The following BTK variants were observed in gnomAD, a reference collection of about 807,000 sequenced individuals.
BTK encodes Bruton tyrosine kinase.
In BTK, 5 loss-of-function variants were observed where a neutral mutation model predicts 57.4. That is an observed-to-expected ratio of 0.09 (90% CI 0.05 to 0.18). The LOEUF is 0.18. Ranked by LOEUF, BTK falls within the 10% of genes least tolerant of loss-of-function variation. The pLI is 1.00. For missense variants in BTK, 194 were observed against 501.2 expected (o/e 0.39, Z 5.85); for synonymous variants, 154 against 174.3 (o/e 0.88, Z 0.92).
intron 5 of BTK, among the ~76,000 whole-genome samples, chrX:101,368,587 G>A (rs782137598): frequency 3.6e-4 from 40 of 112,251 alleles, no homozygotes; most frequent in Non-Finnish European, 7.1e-4. Flanking sequence ...TAAGGCTACT[G>A]CAAAGATCAA....
intron 4 of BTK, among the ~76,000 whole-genome samples, chrX:101,371,394 T>C (rs1026245870): frequency 8.9e-6 from 1 of 112,331 alleles, no homozygotes; most frequent in Non-Finnish European, 1.9e-5. Context: ...TATGATAGAA[T>C]TGGTGCTGCT....
At chrX:101,358,136 G>A in intron 12 of BTK, 174 bp downstream of exon 12, 2 of 666,222 alleles carry the variant, frequency 3.0e-6, no homozygotes, top group Non-Finnish European at 4.9e-6. Context: ...GTCCCTGTTG[G>A]GTGTAGGTCT....
rs782350266 is a variant in BTK, at chrX:101,355,655, A to G, written c.1566+397T>C. 9.3e-4 allele frequency: 154 copies of G among 166,345 alleles called. 2 individuals carry two copies. The highest frequency in any genetic ancestry group is 4.2e-3 in the African/African-American group (142 of 33,502). 13.7% of individuals were successfully genotyped at this position (166,345 alleles called of 1,213,427 possible). On this transcript the variant is annotated intron_variant, in intron 15 of 18. Coordinates refer to ENST00000308731, the MANE Select transcript of BTK (RefSeq NM_000061.3). ...TTATTATATAACATAAAAAAAACCC[A>G]CACATGTGGGCCAAATGCATCCACA...
At chrX:101,372,899 T>C (rs1478801625) in intron 3 of BTK, among the ~76,000 whole-genome samples, 2 of 106,255 alleles carry the variant, frequency 1.9e-5, no homozygotes, top group Non-Finnish European at 3.9e-5. Context: ...GCCTGACCAA[T>C]CTGGTGAAAC....
chrX:101,373,682 T>C (rs1034361766), intron 3 of BTK, among the ~76,000 whole-genome samples: 4 of 112,293 alleles, frequency 3.6e-5, no homozygotes, highest in Non-Finnish European at 7.5e-5. Flanking sequence ...TTTAATCTTT[T>C]TGTATTTTTT....
At chrX:101,376,805 G>T (rs973178755) in intron 1 of BTK, among the ~76,000 whole-genome samples, 6 of 110,951 alleles carry the variant, frequency 5.4e-5, no homozygotes, top group Non-Finnish European at 9.4e-5. Flanking sequence ...CGTGGAAGCA[G>T]AATGAATAAA....
intron 10 of BTK, 113 bp from the exon 11 acceptor site, chrX:101,358,809 T>G: frequency 1.6e-6 from 1 of 635,112 alleles, no homozygotes; most frequent in East Asian, 3.3e-5. Context: ...ACTGCCAAGT[T>G]CCACGCTTGA....
intron 10 of BTK, among the ~76,000 whole-genome samples, 170 bp downstream of exon 10, chrX:101,359,123 C>T: frequency 9.0e-6 from 1 of 111,599 alleles, no homozygotes; most frequent in Middle Eastern, 4.6e-3. Context: ...GGGTGACAGA[C>T]CGAGAGTCCG....
chrX:101,386,625 T>A (rs1927618564), upstream of BTK, among the ~76,000 whole-genome samples: 1 of 109,375 alleles, frequency 9.1e-6, no homozygotes, highest in Non-Finnish European at 1.9e-5. Context: ...GGCAGAGGAG[T>A]CTCAGGGACA....
intron 5 of BTK, among the ~76,000 whole-genome samples, chrX:101,364,824 C>T (rs1238836206): frequency 9.0e-6 from 1 of 110,607 alleles, no homozygotes; most frequent in South Asian, 3.9e-4. Context: ...TCACTGTAAC[C>T]TCCACCTCCT....
chrX:101,361,685 C>T (rs948535985), intron 7 of BTK, among the ~76,000 whole-genome samples: 10 of 111,075 alleles, frequency 9.0e-5, no homozygotes, highest in East Asian at 5.7e-4. Context: ...GAGGCCGAGG[C>T]GGGTTCGAGA....
chrX:101,354,830 A>C (rs1926413725), intron 15 of BTK, 136 bp from the exon 16 acceptor site: 6 of 616,053 alleles, frequency 9.7e-6, no homozygotes, highest in East Asian at 3.3e-5. Flanking sequence ...ACCTAATAGG[A>C]ATCTGTTGAT....
At chrX:101,375,838 G>A (rs1306941466) in intron 1 of BTK, among the ~76,000 whole-genome samples, 1 of 111,788 alleles carries the variant, frequency 8.9e-6, no homozygotes, top group African/African-American at 3.3e-5. Context: ...AACTAATAAG[G>A]ATATGGAGGC....
intron 8 of BTK, 61 bp from the exon 9 acceptor site, chrX:101,360,211 C>A: frequency 1.2e-6 from 1 of 828,364 alleles, no homozygotes; most frequent in Non-Finnish European, 1.8e-6. Flanking sequence ...GAGACAGATT[C>A]ATATGCCCAC....
chrX:101,361,881 C>T (rs782196338), intron 7 of BTK, among the ~76,000 whole-genome samples: 1 of 112,154 alleles, frequency 8.9e-6, no homozygotes, highest in South Asian at 3.6e-4. Context: ...GGCGACAGAG[C>T]GAGACTCCGT....
At chrX:101,353,403 G>A in intron 17 of BTK, 52 bp from the exon 18 acceptor site, 1 of 1,108,518 alleles carries the variant, frequency 9.0e-7, no homozygotes, top group East Asian at 3.0e-5. Flanking sequence ...TTGGATAGCA[G>A]GGGTCCTAGT....
At chrX:101,358,515 G>T in intron 11 of BTK, 78 bp from the exon 12 acceptor site, 1 of 1,188,908 alleles carries the variant, frequency 8.4e-7, no homozygotes, top group Middle Eastern at 2.3e-4. Context: ...GATGAGTTTT[G>T]AGTTTCAGAG....
upstream of BTK, among the ~76,000 whole-genome samples, chrX:101,389,135 T>G (rs1246897884): frequency 8.9e-6 from 1 of 111,855 alleles, no homozygotes; most frequent in Non-Finnish European, 1.9e-5. Context: ...ACCCCCATGG[T>G]AACTATGGAT....
intron 12 of BTK, 133 bp downstream of exon 12, chrX:101,358,177 C>A (rs782578093): frequency 8.0e-6 from 8 of 994,137 alleles, no homozygotes; most frequent in Non-Finnish European, 1.1e-5. Flanking sequence ...CAGCTTCTAC[C>A]CAGTATCACA....
Sources: gnomAD v4.1 joint callset for allele counts (sites outside exome capture counted in the v4.1 genomes callset) on GRCh38, gnomAD v4.1.1 for gene constraint, MANE v1.5 for transcripts, NCBI Gene and HGNC (gene_info 2026-07-23, HGNC 2026-07-21) for gene names.